CARD14: variants seen among roughly 807,000 people sequenced by gnomAD.
The protein encoded by CARD14 is caspase recruitment domain-containing protein 14.
A neutral mutation model predicts 111.5 loss-of-function variants in CARD14; 107 were observed. That is an observed-to-expected ratio of 0.96 (90% CI 0.82 to 1.13). The LOEUF (loss-of-function observed/expected upper bound fraction) is 1.13. CARD14 is among the 50% of genes most tolerant of loss of function. The pLI is 0.00. For missense variants in CARD14, 1,322 were observed against 1,362.3 expected (o/e 0.97, Z 0.47); for synonymous variants, 617 against 579.6 (o/e 1.06, Z -0.93).
At chr17:80,204,451 C>A in intron 20 of CARD14, 110 bp downstream of exon 20, 1 of 1,056,238 alleles carries the variant, frequency 9.5e-7, no homozygotes, top group Non-Finnish European at 1.3e-6. Flanking sequence ...TCATTTAGGC[C>A]AGGATCTGGT....
rs1264931653 is a variant in CARD14, at chr17:80,188,039, G to A, written c.676-338G>A. On this transcript the variant is annotated intron_variant, in intron 7 of 23. Coordinates refer to ENST00000648509, the MANE Select transcript of CARD14 (RefSeq NM_001366385.1). The surrounding 1 kb of genome is among the most constrained non-coding windows in gnomAD (Gnocchi z 4.5). ...AACATGGACAAGCAGGGAAGCCAGG[G>A]AGCATGCTGGCCATCACTGCCGGCT... 1.3e-5 allele frequency: 12 copies of A among 904,048 alleles called. No individual in the cohort carries two copies. Among genetic ancestry groups the A allele is most frequent in the Non-Finnish European group, 1.2e-5 (9 of 748,192 alleles). The allele number at this position is 904,048 out of a possible 1,614,324, so 56.0% of individuals were successfully genotyped here. A position where few individuals can be genotyped will look rare whatever the true frequency, so the allele number is the denominator to read the frequency against.
In CARD14 at chr17:80,188,148, C is replaced by T. The variant is rs563298156; in HGVS notation, c.676-229C>T. 14 of 470,306 alleles carry T rather than the reference C, an allele frequency of 3.0e-5. No individual in the cohort carries two copies. Among genetic ancestry groups the T allele is most frequent in the Middle Eastern group, 6.3e-4 (1 of 1,590 alleles). 29.1% of individuals were successfully genotyped at this position (470,306 alleles called of 1,614,324 possible). A position where few individuals can be genotyped will look rare whatever the true frequency, so the allele number is the denominator to read the frequency against. On this transcript the variant is annotated intron_variant, in intron 7 of 23. Coordinates refer to ENST00000648509, the MANE Select transcript of CARD14 (RefSeq NM_001366385.1). The surrounding 1 kb of genome is among the most constrained non-coding windows in gnomAD (Gnocchi z 4.5). ...CCTAACCCTGGATGGAGTTCAACCG[C>T]GGTGCCTCATCTATAAGACAGAGCT...
chr17:80,179,164 A>G lies in CARD14; in HGVS notation c.-158A>G, dbSNP rs2040094203. On this transcript the variant is annotated 5_prime_UTR_variant, in exon 4 of 24. Transcript: ENST00000648509. ...GGTCCAGCCTCTCCTTCCAAATGAA[A>G]AGAATCAAGTCACAGGAATTCATGG... 1 of 152,250 alleles carries G rather than the reference A, an allele frequency of 6.6e-6. No homozygotes were observed. 9.4% of individuals were successfully genotyped at this position (152,250 alleles called of 1,614,324 possible).
chr17:80,189,620 C>T lies in CARD14; in HGVS notation c.844-133C>T, dbSNP rs556518646. 22 of 1,152,124 alleles carry T rather than the reference C, an allele frequency of 1.9e-5. 1 individual carries two copies. The Admixed American group carries it at 2.0e-4, about 10-fold the overall frequency. 71.4% of individuals were successfully genotyped at this position (1,152,124 alleles called of 1,614,324 possible). On this transcript the variant is annotated intron_variant, in intron 8 of 23. Transcript: ENST00000648509. This position sits in a 1 kb window ranked among gnomAD's most constrained non-coding sequence, Gnocchi z 4.7. ...GCTTTTCCGTGGCTTCTCTCCTGCCCGGTGTAGAGTGGCAAGACTGCATCC... is the reference window on the plus strand; with the variant it reads ...GCTTTTCCGTGGCTTCTCTCCTGCCTGGTGTAGAGTGGCAAGACTGCATCC...
intron 20 of CARD14, 114 bp from the exon 21 acceptor site, chr17:80,204,921 C>A: frequency 1.1e-6 from 1 of 879,008 alleles, no homozygotes; most frequent in South Asian, 1.8e-5. Flanking sequence ...CCCTGGAATT[C>A]TAGGTGCTGG....
At chr17:80,192,698 G>C (rs2040567714) in intron 12 of CARD14, 79 bp downstream of exon 12, 1 of 967,138 alleles carries the variant, frequency 1.0e-6, no homozygotes, top group African/African-American at 1.6e-5. Context: ...GGACGAAAGT[G>C]AGCCTCCTTC....
intron 5 of CARD14, 80 bp downstream of exon 5, chr17:80,181,729 G>A (rs1279327147): frequency 6.9e-6 from 9 of 1,309,144 alleles, no homozygotes; most frequent in African/African-American, 1.5e-5. Flanking sequence ...TGTCTTCAGG[G>A]GGTCTCTTCT....
chr17:80,191,052 T>G (rs2040510435), intron 10 of CARD14, among the ~76,000 whole-genome samples, 153 bp downstream of exon 10: 1 of 152,204 alleles, frequency 6.6e-6, no homozygotes, highest in Non-Finnish European at 1.5e-5. Context: ...GTTTCTTCAC[T>G]CCTCCAGGCC....
At position 80,209,012 on chromosome 17, in the gene CARD14, G is replaced by A. The variant is rs955392683; in HGVS notation, c.*667G>A. The A allele has an allele frequency of 3.0e-4, 45 of 152,336 alleles. No homozygotes were observed. The highest frequency in any genetic ancestry group is 2.6e-4 in the Non-Finnish European group (18 of 68,154). 9.4% of individuals were successfully genotyped at this position (152,336 alleles called of 1,614,324 possible). On this transcript the variant is annotated 3_prime_UTR_variant, in exon 24 of 24. Coordinates refer to ENST00000648509, the MANE Select transcript of CARD14 (RefSeq NM_001366385.1). ...TGCCCCGTGGCCCCTGTGCCTGTTC[G>A]GTGGGGGTGTCCCAGAGAAGCCTGG...
rs144296948 is a variant in CARD14 at position 80,198,459 on chromosome 17, G to A, written c.1719G>A (p.Ala573=). The A allele has an allele frequency of 5.1e-5, 83 of 1,612,312 alleles. No individual in the cohort carries two copies. Among genetic ancestry groups the A allele is most frequent in the African/African-American group, 4.7e-4 (35 of 74,930 alleles). ...RRILSQVTML[A]FQGDALLEQI... Reference sequence around the variant, plus strand: ...TCCTGAGCCAGGTCACCATGCTGGCGTTCCAGGGGGATGCATTGCTGGAGC... The same window carrying A: ...TCCTGAGCCAGGTCACCATGCTGGCATTCCAGGGGGATGCATTGCTGGAGC... Residue 573 remains alanine, a synonymous_variant, in exon 16 of 24, where the codon GCG becomes GCA. Coordinates refer to ENST00000648509, the MANE Select transcript of CARD14 (RefSeq NM_001366385.1). The surrounding 1 kb of genome is among the most constrained non-coding windows in gnomAD (Gnocchi z 7.5).
intron 18 of CARD14, 92 bp downstream of exon 18, chr17:80,202,512 A>G (rs2041039481): frequency 2.6e-6 from 4 of 1,535,096 alleles, no homozygotes; most frequent in Non-Finnish European, 3.5e-6. Context: ...CTGCCCAGCA[A>G]TAGAGGGTGG....
intron 7 of CARD14, among the ~76,000 whole-genome samples, chr17:80,184,966 T>C (rs2040296714): frequency 6.6e-6 from 1 of 152,230 alleles, no homozygotes; most frequent in African/African-American, 2.4e-5. Flanking sequence ...GGGAGGATGA[T>C]CTGACTGATT....
At position 80,195,510 on chromosome 17, in the gene CARD14, A is replaced by G; in HGVS notation, c.1500-48A>G. On this transcript the variant is annotated intron_variant, in intron 13 of 23. Coordinates refer to ENST00000648509, the MANE Select transcript of CARD14 (RefSeq NM_001366385.1). This position sits in a 1 kb window ranked among gnomAD's most constrained non-coding sequence, Gnocchi z 4.7. ...CAGTGCTTGGGGCGTGGGGACTCAG[A>G]GGGAGCAGGTGATGCAGTTTGAGCC... The G allele has an allele frequency of 6.4e-7, 1 of 1,565,258 alleles. No individual in the cohort carries two copies. Among genetic ancestry groups the G allele is most frequent in the Non-Finnish European group, 8.7e-7 (1 of 1,151,432 alleles).
chr17:80,199,070 C>T (rs2040835101), intron 16 of CARD14: 3 of 258,658 alleles, frequency 1.2e-5, no homozygotes, highest in Non-Finnish European at 1.8e-5. Flanking sequence ...CCACCTCAGC[C>T]TCTTAAGTAG....
At chr17:80,194,949 A>G (rs761988457) in intron 12 of CARD14, among the ~76,000 whole-genome samples, 3 of 152,220 alleles carry the variant, frequency 2.0e-5, no homozygotes, top group Non-Finnish European at 2.9e-5. Flanking sequence ...GAACTAAGCC[A>G]AGCAGCTAAT....
chr17:80,183,776 CCGCCCACA>C (rs2040247702), intron 6 of CARD14, 129 bp from the exon 7 acceptor site: 6 of 473,950 alleles, frequency 1.3e-5, no homozygotes, highest in South Asian at 1.1e-4. Context: ...ACATGCTCAC[CCGCCCACA>C]TGCTCACCCG....
intron 7 of CARD14, among the ~76,000 whole-genome samples, chr17:80,186,697 C>T (rs1446171128): frequency 7.2e-5 from 11 of 152,118 alleles, no homozygotes; most frequent in Admixed American, 3.3e-4. Context: ...TATAGGCGCG[C>T]ACCACCACAC....
chr17:80,204,485 G>A, intron 20 of CARD14, 144 bp downstream of exon 20: 4 of 760,622 alleles, frequency 5.3e-6, no homozygotes, highest in Non-Finnish European at 8.2e-6. Flanking sequence ...GGGGCTGGGT[G>A]TGGTGGCGCA....
At chr17:80,202,730 T>C in intron 18 of CARD14, 1 of 672,076 alleles carries the variant, frequency 1.5e-6, no homozygotes, top group African/African-American at 1.8e-5. Flanking sequence ...TCCTGGGCAC[T>C]GCAGGATATA....
Sources: gnomAD v4.1 joint callset for allele counts (sites outside exome capture counted in the v4.1 genomes callset) on GRCh38, gnomAD v4.1.1 for gene constraint, Gnocchi (gnomAD v3.1) non-coding constraint, MANE v1.5 for transcripts, NCBI Gene and HGNC (gene_info 2026-07-23, HGNC 2026-07-21) for gene names.